The following ITGA11 variants were observed in gnomAD, a reference collection of about 807,000 sequenced individuals.
ITGA11 encodes integrin subunit alpha 11.
ITGA11 carries 97 observed loss-of-function variants against 141.9 expected under a neutral mutation model. The ratio of observed to expected loss-of-function variants is 0.68; its 90% CI spans 0.58 to 0.81. The LOEUF (loss-of-function observed/expected upper bound fraction) is 0.81, where lower values mean the gene tolerates loss of function less well. ITGA11 is among the 30% of genes least tolerant of loss of function. The probability of loss-of-function intolerance (pLI) is 0.00; values close to 1 mark genes in which losing one functional copy is unlikely to be tolerated. For missense variants in ITGA11, 1,387 were observed against 1,559.2 expected (o/e 0.89, Z 1.86); for synonymous variants, 658 against 624.6 (o/e 1.05, Z -0.80).
At chr15:68,356,236 C>G (rs1441774161) in intron 7 of ITGA11, among the ~76,000 whole-genome samples, 1 of 152,052 alleles carries the variant, frequency 6.6e-6, no homozygotes, top group East Asian at 1.9e-4. Context: ...GCTGGGACTA[C>G]AAGCGCATGC....
Position 68,325,082 on chromosome 15 carries a change from G to A in ITGA11, c.2322+49C>T. ...TCTGGGCTTTGGGGTTGAGGTGGAG[G>A]TGGGGGTGGGGTTCATGCCCGAGGT... On this transcript the variant is annotated intron_variant, in intron 18 of 29. Transcript: ENST00000315757. The surrounding 1 kb of genome is among the most constrained non-coding windows in gnomAD (Gnocchi z 5.5). The A allele has an allele frequency of 1.5e-6, 2 of 1,336,806 alleles. No individual in the cohort carries two copies. Among genetic ancestry groups the A allele is most frequent in the Admixed American group, 1.7e-5 (1 of 59,644 alleles). The allele number at this position is 1,336,806 out of a possible 1,614,324, so 82.8% of individuals were successfully genotyped here.
chr15:68,359,255 C>G (rs1001914082), intron 5 of ITGA11, among the ~76,000 whole-genome samples: 1 of 152,152 alleles, frequency 6.6e-6, no homozygotes, highest in Non-Finnish European at 1.5e-5. Flanking sequence ...TTTAAGGAAA[C>G]CACTGAGTTA....
At chr15:68,354,283 G>A (rs1895002756) in intron 7 of ITGA11, among the ~76,000 whole-genome samples, 1 of 152,058 alleles carries the variant, frequency 6.6e-6, no homozygotes, top group Non-Finnish European at 1.5e-5. Context: ...ATAGTGTGAG[G>A]CACATAGTAG....
chr15:68,389,184 C>G (rs539139177), intron 2 of ITGA11, among the ~76,000 whole-genome samples: 3 of 152,220 alleles, frequency 2.0e-5, no homozygotes, highest in Non-Finnish European at 2.9e-5. Flanking sequence ...CCTCCACCCC[C>G]ACAGCCTCAT....
Position 68,320,405 on chromosome 15 carries a change from GACC to G in ITGA11, c.2409-16_2409-14del. ...CTGGCAGTACTCCCTGAGAACAAGA[GACC>G]ACCAGAGACTGGGCAGATGGAATGA... On this transcript the variant is annotated splice_polypyrimidine_tract_variant and intron_variant, in intron 19 of 29. Transcript: ENST00000315757. 1 of 1,564,654 alleles carries G rather than the reference GACC, an allele frequency of 6.4e-7. No individual in the cohort carries two copies. Among genetic ancestry groups the G allele is most frequent in the Non-Finnish European group, 8.7e-7 (1 of 1,153,266 alleles).
In ITGA11 at chr15:68,303,146, G is replaced by A. The variant is rs1205337949; in HGVS notation, c.3496-16C>T. 3 of 1,550,222 alleles carry A rather than the reference G, an allele frequency of 1.9e-6. No individual in the cohort carries two copies. Among genetic ancestry groups the A allele is most frequent in the Non-Finnish European group, 2.6e-6 (3 of 1,146,482 alleles). On this transcript the variant is annotated splice_polypyrimidine_tract_variant and intron_variant, in intron 29 of 29. Transcript: ENST00000315757. The surrounding 1 kb of genome is among the most constrained non-coding windows in gnomAD (Gnocchi z 5.3). Reference sequence around the variant, plus strand: ...AGAAGCCGAGCTGTGAGGAGGCAAAGGGAGACGTCTCAGAGGAGGACAGGG... The same window carrying A: ...AGAAGCCGAGCTGTGAGGAGGCAAAAGGAGACGTCTCAGAGGAGGACAGGG...
At chr15:68,365,465 G>T in intron 3 of ITGA11, 2 of 411,964 alleles carry the variant, frequency 4.9e-6, no homozygotes, top group Non-Finnish European at 6.5e-6. Context: ...TAAAAAAATT[G>T]CATCGCTTAA....
chr15:68,347,982 A>G (rs1894790979), intron 10 of ITGA11, among the ~76,000 whole-genome samples: 1 of 152,148 alleles, frequency 6.6e-6, no homozygotes, highest in Non-Finnish European at 1.5e-5. Flanking sequence ...TGTCTGTGCA[A>G]AGCACACCCA....
chr15:68,315,621 T>G, intron 22 of ITGA11, 30 bp downstream of exon 22: 1 of 1,586,726 alleles, frequency 6.3e-7, no homozygotes, highest in Non-Finnish European at 8.6e-7. Context: ...ATAGCAAGCT[T>G]TGGGGAGAAG....
chr15:68,357,687 G>T (rs1595875986), intron 6 of ITGA11, among the ~76,000 whole-genome samples: 1 of 149,106 alleles, frequency 6.7e-6, no homozygotes, highest in Admixed American at 6.6e-5. Context: ...CTTAAAACTT[G>T]TAAGAGGTTC....
In ITGA11 at chr15:68,339,621, G is replaced by T. The variant is rs756685095; in HGVS notation, c.1155C>A (p.Val385=). 2.7e-5 allele frequency: 44 copies of T among 1,613,818 alleles called. No homozygotes were observed. The South Asian group carries it at 4.0e-4, about 14-fold the overall frequency. The change falls in exon 11 of 30, where the codon GTC becomes GTA. Residue 385 remains valine (V), a synonymous_variant. Transcript: ENST00000315757. The part of the protein sequence containing the change: ...VVEDGVLLGA[V]GAYDWNGAVL... ...CAGCTCCATTCCAGTCATAGGCACC[G>T]ACGGCTCCCAGCAGAACCCCATCCT... is the stretch of plus-strand genomic sequence containing the variant.
At chr15:68,331,239 C>CAAT in intron 14 of ITGA11, 128 bp from the exon 15 acceptor site, 1 of 759,702 alleles carries the variant, frequency 1.3e-6, no homozygotes, top group Non-Finnish European at 2.1e-6. Context: ...CTTCCCCAAC[C>CAAT]CAAAGCAATC....
Position 68,339,513 on chromosome 15 carries a change from A to G in ITGA11, c.1263T>C (p.His421=). The part of the protein sequence containing the change: ...LKEFPEELKN[H]GAYLGYTVTS... ...CTGCGCTCTTACCCAGGTATGCACC[A>G]TGGTTCTTGAGCTCCTCGGGGAACT... is the stretch of plus-strand genomic sequence containing the variant. The change falls in exon 11 of 30, where the codon CAT becomes CAC. Residue 421 remains histidine, a synonymous_variant. Coordinates refer to ENST00000315757, the MANE Select transcript of ITGA11 (RefSeq NM_001004439.2). 2 of 1,613,412 alleles carry G rather than the reference A, an allele frequency of 1.2e-6. No individual in the cohort carries two copies. Among genetic ancestry groups the G allele is most frequent in the South Asian group, 2.2e-5 (2 of 90,918 alleles).
chr15:68,341,788 T>C (rs1277758975), intron 10 of ITGA11, among the ~76,000 whole-genome samples: 1 of 152,214 alleles, frequency 6.6e-6, no homozygotes, highest in African/African-American at 2.4e-5. Flanking sequence ...TGTGATGTAC[T>C]GAGAAGGGCT....
rs146549135 is a variant in ITGA11 at position 68,328,317 on chromosome 15, T to A, written c.1902-55A>T. 1.6e-5 allele frequency: 25 copies of A among 1,522,380 alleles called. No homozygotes were observed. The highest frequency in any genetic ancestry group is 2.2e-5 in the Non-Finnish European group (24 of 1,114,294). The allele number at this position is 1,522,380 out of a possible 1,614,324, so 94.3% of individuals were successfully genotyped here. A position where few individuals can be genotyped will look rare whatever the true frequency, so the allele number is the denominator to read the frequency against. On this transcript the variant is annotated intron_variant, in intron 15 of 29. Coordinates refer to ENST00000315757, the MANE Select transcript of ITGA11 (RefSeq NM_001004439.2). This position sits in a 1 kb window ranked among gnomAD's most constrained non-coding sequence, Gnocchi z 4.8. ...GGGGCAGGGGCTCAGGCTGCCCTGC[T>A]GTGACCATGGGGAAAGACAAGAACC...
intron 1 of ITGA11, among the ~76,000 whole-genome samples, chr15:68,411,319 C>G (rs1276770976): frequency 6.6e-6 from 1 of 152,184 alleles, no homozygotes; most frequent in Non-Finnish European, 1.5e-5. Flanking sequence ...AACGACAACC[C>G]TGGAGAGGCC....
At chr15:68,306,152 C>T (rs1475257552) in intron 28 of ITGA11, among the ~76,000 whole-genome samples, 38 of 145,396 alleles carry the variant, frequency 2.6e-4, no homozygotes, top group Middle Eastern at 3.6e-3. Context: ...ATCCTGCCAA[C>T]GCACTCTAGC....
rs1893127701 is a variant in ITGA11 at position 68,304,526 on chromosome 15, G to T, written c.3382-641C>A. On this transcript the variant is annotated intron_variant, in intron 28 of 29. Coordinates refer to ENST00000315757, the MANE Select transcript of ITGA11 (RefSeq NM_001004439.2). This position sits in a 1 kb window ranked among gnomAD's most constrained non-coding sequence, Gnocchi z 6.1. Reference sequence around the variant, plus strand: ...AGGCAAAAGTGGCCAGGGCGTGAAGGTCAGAAAGTAAGCCCAGGCCAGCTC... The same window carrying T: ...AGGCAAAAGTGGCCAGGGCGTGAAGTTCAGAAAGTAAGCCCAGGCCAGCTC... Among the ~76,000 whole-genome samples, 1 of 152,128 alleles carries T rather than the reference G, an allele frequency of 6.6e-6. No individual in the cohort carries two copies. Among genetic ancestry groups the T allele is most frequent in the Non-Finnish European group, 1.5e-5 (1 of 68,012 alleles).
rs909986410 is a variant in ITGA11 at position 68,313,974 on chromosome 15, C to T, written c.2793-106G>A. 1.7e-5 allele frequency: 14 copies of T among 834,136 alleles called. No homozygotes were observed. In the African/African-American group the frequency reaches 2.0e-4, roughly 12 times the overall value. The allele number at this position is 834,136 out of a possible 1,614,324, so 51.7% of individuals were successfully genotyped here. A position where few individuals can be genotyped will look rare whatever the true frequency, so the allele number is the denominator to read the frequency against. On this transcript the variant is annotated intron_variant, in intron 22 of 29. Coordinates refer to ENST00000315757, the MANE Select transcript of ITGA11 (RefSeq NM_001004439.2). ...AAGGAGCACACTGGCTTATCTGGGG[C>T]TGATGGGCACCAGACAGGCCAGACA...
Sources: gnomAD v4.1 joint callset for allele counts (sites outside exome capture counted in the v4.1 genomes callset) on GRCh38, gnomAD v4.1.1 for gene constraint, Gnocchi (gnomAD v3.1) non-coding constraint, MANE v1.5 for transcripts, NCBI Gene and HGNC (gene_info 2026-07-23, HGNC 2026-07-21) for gene names.